AGBL1: variants seen among roughly 807,000 people sequenced by gnomAD.
AGBL1 encodes the protein cytosolic carboxypeptidase 4.
A neutral mutation model predicts 118.9 loss-of-function variants in AGBL1; 130 were observed. The ratio of observed to expected loss-of-function variants is 1.09; its 90% CI spans 0.95 to 1.26. AGBL1 has a LOEUF of 1.26. AGBL1 is among the 50% of genes most tolerant of loss of function. AGBL1 has a pLI of 0.00. For missense variants in AGBL1, 1,584 were observed against 1,298.1 expected, an observed-to-expected ratio of 1.22 and a Z score of -3.38; for synonymous variants, 555 against 478.9, an observed-to-expected ratio of 1.16 and a Z score of -2.08.
chr15:86,333,329 C>T (rs1399717705), intron 17 of AGBL1, among the ~76,000 whole-genome samples: 1 of 152,128 alleles, frequency 6.6e-6, no homozygotes, highest in Non-Finnish European at 1.5e-5. Flanking sequence ...CAAATAAGCA[C>T]ACTCAGAACT....
At chr15:86,479,748 A>T (rs1415653283) in intron 18 of AGBL1, among the ~76,000 whole-genome samples, 2 of 152,162 alleles carry the variant, frequency 1.3e-5, no homozygotes, top group Non-Finnish European at 2.9e-5. Flanking sequence ...TATACCCAAA[A>T]GATTATAAAT....
rs138590239 is a variant in AGBL1 at position 86,826,036 on chromosome 15, C to CAA, written c.3159-81042_3159-81041dup. Among the ~76,000 whole-genome samples, 297 of 149,060 alleles carry CAA rather than the reference C, an allele frequency of 2.0e-3. 2 individuals are homozygous for CAA. The highest frequency in any genetic ancestry group is 5.6e-3 in the African/African-American group (227 of 40,544). On this transcript the variant is annotated intron_variant, in intron 22 of 22. Transcript: ENST00000614907. ...AGTTCCCTTCAGCAGTAACTTCTTG[C>CAA]AAAAAAAAAATATTACAATCAGAAT...
intron 6 of AGBL1, among the ~76,000 whole-genome samples, chr15:86,226,535 G>A (rs1358398850): frequency 6.6e-6 from 1 of 152,116 alleles, no homozygotes; most frequent in Non-Finnish European, 1.5e-5. Context: ...GATATAAATT[G>A]TACCTACCTA....
intron 21 of AGBL1, among the ~76,000 whole-genome samples, chr15:86,671,640 T>C (rs937554727): frequency 6.6e-6 from 1 of 152,162 alleles, no homozygotes; most frequent in Admixed American, 6.5e-5. Context: ...TGAATAAGTC[T>C]CCTGGAGCCA....
At chr15:86,390,074 T>C (rs953772684) in intron 17 of AGBL1, among the ~76,000 whole-genome samples, 1 of 152,118 alleles carries the variant, frequency 6.6e-6, no homozygotes, top group African/African-American at 2.4e-5. Flanking sequence ...TGAAAAAATA[T>C]ATATTTTAAA....
chr15:86,906,055 G>T (rs556050963), intron 22 of AGBL1, among the ~76,000 whole-genome samples: 1 of 152,258 alleles, frequency 6.6e-6, no homozygotes, highest in East Asian at 1.9e-4. Context: ...TTCATTTCCC[G>T]ATCTAACATG....
At chr15:86,237,641 C>CAA (rs2078573994) in intron 6 of AGBL1, among the ~76,000 whole-genome samples, 3 of 152,200 alleles carry the variant, frequency 2.0e-5, no homozygotes, top group Middle Eastern at 3.2e-3. Flanking sequence ...CTTCCTTCCC[C>CAA]ACCCACAGTC....
intron 17 of AGBL1, among the ~76,000 whole-genome samples, chr15:86,344,098 A>AG (rs2093139486): frequency 6.6e-6 from 1 of 152,212 alleles, no homozygotes; most frequent in Admixed American, 6.5e-5. Flanking sequence ...AATTAACTGG[A>AG]GGGCCATTTG....
intron 1 of AGBL1, among the ~76,000 whole-genome samples, chr15:86,119,036 A>C (rs1247825085): frequency 2.0e-5 from 3 of 152,208 alleles, no homozygotes; most frequent in Non-Finnish European, 4.4e-5. Context: ...AGTAAGTGTC[A>C]ATACCAACAT....
chr15:86,805,646 G>A (rs1231647743), intron 22 of AGBL1, among the ~76,000 whole-genome samples: 1 of 152,068 alleles, frequency 6.6e-6, no homozygotes, highest in African/African-American at 2.4e-5. Context: ...GGGGTTGGTG[G>A]GACATGCTCG....
At chr15:87,003,459 C>T (rs984758668) in intron 24 of AGBL1, among the ~76,000 whole-genome samples, 1 of 152,000 alleles carries the variant, frequency 6.6e-6, no homozygotes, top group Non-Finnish European at 1.5e-5. Context: ...GTGTCTCTGC[C>T]AGGCTTTGGT....
At chr15:86,316,312 A>G (rs1233003495) in intron 17 of AGBL1, among the ~76,000 whole-genome samples, 1 of 152,066 alleles carries the variant, frequency 6.6e-6, no homozygotes, top group African/African-American at 2.4e-5. Flanking sequence ...GATTCCTTAG[A>G]ACTTTGAGCT....
chr15:86,734,892 G>T (rs2077571293), intron 22 of AGBL1, among the ~76,000 whole-genome samples: 1 of 152,094 alleles, frequency 6.6e-6, no homozygotes, highest in Non-Finnish European at 1.5e-5. Flanking sequence ...TTGTAGAATT[G>T]TGAGGGAACA....
intron 21 of AGBL1, among the ~76,000 whole-genome samples, chr15:86,578,245 T>C (rs1018584000): frequency 3.9e-5 from 6 of 152,208 alleles, no homozygotes; most frequent in Non-Finnish European, 7.3e-5. Flanking sequence ...GGAGATCATT[T>C]TGGAACTTTA....
intron 17 of AGBL1, among the ~76,000 whole-genome samples, chr15:86,394,107 A>G (rs2081328512): frequency 6.6e-6 from 1 of 152,162 alleles, no homozygotes; most frequent in African/African-American, 2.4e-5. Flanking sequence ...CAGAAAAAGT[A>G]AGACAAATCC....
intron 22 of AGBL1, among the ~76,000 whole-genome samples, chr15:86,693,033 C>G (rs2086199095): frequency 1.3e-5 from 2 of 152,124 alleles, no homozygotes; most frequent in Middle Eastern, 6.8e-3. Context: ...GAGCTAATTC[C>G]ATATTTTTGC....
intron 21 of AGBL1, among the ~76,000 whole-genome samples, chr15:86,641,405 A>AT (rs142985515): frequency 0.088 from 13,307 of 151,160 alleles, 1,307 homozygotes; most frequent in African/African-American, 0.23. Flanking sequence ...CTACCACTCA[A>AT]TTTTTTTTAA....
chr15:86,496,423 G>T (rs1255382871), intron 18 of AGBL1, among the ~76,000 whole-genome samples: 2 of 151,936 alleles, frequency 1.3e-5, no homozygotes, highest in Non-Finnish European at 1.5e-5. Flanking sequence ...GTGTTTTTCT[G>T]ATAATCTGTT....
At chr15:86,452,206 A>G (rs917067255) in intron 18 of AGBL1, among the ~76,000 whole-genome samples, 9 of 152,170 alleles carry the variant, frequency 5.9e-5, no homozygotes, top group African/African-American at 1.7e-4. Flanking sequence ...TTGTGTGTCT[A>G]TCATGTTGAA....
Sources: allele counts gnomAD v4.1 joint callset (sites outside exome capture counted in the v4.1 genomes callset), GRCh38; gene constraint gnomAD v4.1.1; transcripts MANE v1.5; gene names NCBI Gene and HGNC (gene_info 2026-07-23, HGNC 2026-07-21).